Variants in HS6ST3 observed in about 807,000 individuals in gnomAD.
HS6ST3 encodes the protein heparan-sulfate 6-O-sulfotransferase 3.
HS6ST3 carries 12 observed loss-of-function variants against 36.7 expected under a neutral mutation model. The ratio of observed to expected loss-of-function variants is 0.33; its 90% CI spans 0.21 to 0.53. The LOEUF (loss-of-function observed/expected upper bound fraction) is 0.53, where lower values mean the gene tolerates loss of function less well. HS6ST3 is among the 20% of genes least tolerant of loss of function. The pLI, the probability that HS6ST3 is intolerant of heterozygous loss-of-function variation, is 0.95. For missense variants in HS6ST3, 584 were observed against 640.9 expected, an observed-to-expected ratio of 0.91 and a Z score of 0.96; for synonymous variants, 240 against 257.5, an observed-to-expected ratio of 0.93 and a Z score of 0.65.
intron 1 of HS6ST3, among the ~76,000 whole-genome samples, chr13:96,246,796 A>G (rs2054586852): frequency 6.6e-6 from 1 of 152,164 alleles, no homozygotes; most frequent in Non-Finnish European, 1.5e-5. Context: ...CTTCTTCCCC[A>G]CGATGGAATG....
At chr13:96,766,519 G>A (rs1189347860) in intron 1 of HS6ST3, among the ~76,000 whole-genome samples, 1 of 152,090 alleles carries the variant, frequency 6.6e-6, no homozygotes, top group Non-Finnish European at 1.5e-5. Flanking sequence ...GATAACATTT[G>A]GAGATGACTG....
intron 1 of HS6ST3, among the ~76,000 whole-genome samples, chr13:96,345,543 T>C (rs190120586): frequency 1.3e-3 from 191 of 152,322 alleles, no homozygotes; most frequent in African/African-American, 4.4e-3. Context: ...ACCATTTACA[T>C]TTTCTACTGT....
At chr13:96,623,706 G>A (rs1425844228) in intron 1 of HS6ST3, among the ~76,000 whole-genome samples, 2 of 152,224 alleles carry the variant, frequency 1.3e-5, no homozygotes, top group South Asian at 2.1e-4. Context: ...TAAACCAGTC[G>A]GAGCCCACCT....
chr13:96,463,631 T>C lies in HS6ST3; in HGVS notation c.708-368859T>C, dbSNP rs191747355. 5.3e-5 allele frequency among the ~76,000 whole-genome samples: 8 copies of C among 152,198 alleles called. 1 individual carries two copies. Among genetic ancestry groups the C allele is most frequent in the Admixed American group, 4.6e-4 (7 of 15,274 alleles). On this transcript the variant is annotated intron_variant, in intron 1 of 1. Coordinates refer to ENST00000376705, the MANE Select transcript of HS6ST3 (RefSeq NM_153456.4). ...ACTTGACCATATTAAAACTAAGATA[T>C]TGTTTATCAAAAGACAATGTAAACA...
intron 1 of HS6ST3, among the ~76,000 whole-genome samples, chr13:96,625,067 G>A (rs1016248843): frequency 6.6e-6 from 1 of 152,194 alleles, no homozygotes; most frequent in African/African-American, 2.4e-5. Flanking sequence ...TAGCCCATAG[G>A]CAGTGCACAG....
At chr13:96,308,009 G>T (rs550515171) in intron 1 of HS6ST3, among the ~76,000 whole-genome samples, 15 of 152,208 alleles carry the variant, frequency 9.9e-5, no homozygotes, top group Admixed American at 8.5e-4. Context: ...GAAGAGTCAA[G>T]GGTATCAATA....
chr13:96,827,007 G>A (rs932141718), intron 1 of HS6ST3, among the ~76,000 whole-genome samples: 1 of 152,156 alleles, frequency 6.6e-6, no homozygotes, highest in African/African-American at 2.4e-5. Flanking sequence ...TGAAGTAGGT[G>A]ACAAATGGAA....
At chr13:96,147,734 ACT>A (rs1372394858) in intron 1 of HS6ST3, among the ~76,000 whole-genome samples, 1 of 152,146 alleles carries the variant, frequency 6.6e-6, no homozygotes, top group Non-Finnish European at 1.5e-5. Context: ...GCAGGGAGAG[ACT>A]CTGGCCATCT....
At chr13:96,342,509 T>C (rs2055135890) in intron 1 of HS6ST3, among the ~76,000 whole-genome samples, 1 of 152,222 alleles carries the variant, frequency 6.6e-6, no homozygotes, top group African/African-American at 2.4e-5. Flanking sequence ...TTGTTTGAAC[T>C]TAAATGAGTC....
At position 96,833,979 on chromosome 13, in the gene HS6ST3, C is replaced by A. The variant is rs992011531; in HGVS notation, c.*781C>A. 6.6e-6 allele frequency: 1 copy of A among 152,092 alleles called. No individual in the cohort carries two copies. The highest frequency in any genetic ancestry group is 2.4e-5 in the African/African-American group (1 of 41,390). The allele number at this position is 152,092 out of a possible 1,614,324, so 9.4% of individuals were successfully genotyped here. A position where few individuals can be genotyped will look rare whatever the true frequency, so the allele number is the denominator to read the frequency against. On this transcript the variant is annotated 3_prime_UTR_variant, in exon 2 of 2. Transcript: ENST00000376705. ...CTTATTTGCTAATGCCTAAAGGGGTCTCACTTTACCAATTGTTACTTTCAA... is the reference window on the plus strand; with the variant it reads ...CTTATTTGCTAATGCCTAAAGGGGTATCACTTTACCAATTGTTACTTTCAA...
intron 1 of HS6ST3, among the ~76,000 whole-genome samples, chr13:96,131,745 C>CT (rs34130950): frequency 0.81 from 115,994 of 144,056 alleles, 46,846 homozygotes; most frequent in East Asian, 0.87. Context: ...CTATTCTACT[C>CT]TTTTTTTTTT....
chr13:96,388,866 G>A (rs183122559), intron 1 of HS6ST3, among the ~76,000 whole-genome samples: 2 of 152,144 alleles, frequency 1.3e-5, no homozygotes, highest in African/African-American at 4.8e-5. Context: ...CATCAGGATT[G>A]TAAGTTTTCT....
chr13:96,226,558 T>G, intron 1 of HS6ST3, among the ~76,000 whole-genome samples: 1 of 152,248 alleles, frequency 6.6e-6, no homozygotes, highest in African/African-American at 2.4e-5. Flanking sequence ...AATTAAGACA[T>G]TATAATATCT....
At chr13:96,091,653 C>T (rs1014901089) in intron 1 of HS6ST3, 84 bp downstream of exon 1, 1 of 1,446,866 alleles carries the variant, frequency 6.9e-7, no homozygotes, top group African/African-American at 1.4e-5. Flanking sequence ...ACCCCGCGCT[C>T]CCTGCCCCTG....
chr13:96,671,662 T>G (rs1360335761), intron 1 of HS6ST3, among the ~76,000 whole-genome samples: 2 of 152,110 alleles, frequency 1.3e-5, no homozygotes, highest in Non-Finnish European at 2.9e-5. Flanking sequence ...ATGGCCTTCA[T>G]GTTCTCTTGG....
chr13:96,122,552 G>A (rs2053931217), intron 1 of HS6ST3, among the ~76,000 whole-genome samples: 1 of 152,108 alleles, frequency 6.6e-6, no homozygotes, highest in South Asian at 2.1e-4. Context: ...TCACTGAACA[G>A]AAAGACACAC....
chr13:96,231,857 G>A (rs927096374), intron 1 of HS6ST3, among the ~76,000 whole-genome samples: 3 of 152,286 alleles, frequency 2.0e-5, no homozygotes, highest in Non-Finnish European at 2.9e-5. Context: ...ACCTTCTGAC[G>A]CTAGCCTCAG....
chr13:96,251,711 A>G (rs952120739), intron 1 of HS6ST3, among the ~76,000 whole-genome samples: 1 of 151,824 alleles, frequency 6.6e-6, no homozygotes. Flanking sequence ...TCCTTGTTAG[A>G]ATGACTTTTC....
chr13:96,557,484 G>T (rs1434353614), intron 1 of HS6ST3, among the ~76,000 whole-genome samples: 1 of 152,214 alleles, frequency 6.6e-6, no homozygotes, highest in Non-Finnish European at 1.5e-5. Flanking sequence ...AGACCTTCCT[G>T]ATCTTTCAAT....
Sources: allele counts gnomAD v4.1 joint callset (sites outside exome capture counted in the v4.1 genomes callset), GRCh38; gene constraint gnomAD v4.1.1; transcripts MANE v1.5; gene names NCBI Gene and HGNC (gene_info 2026-07-23, HGNC 2026-07-21).